The following NEMP2 variants were observed in gnomAD, a reference collection of about 807,000 sequenced individuals.
NEMP2 encodes the protein nuclear envelope integral membrane protein 2, also known as UPF0571 transmembrane protein.
A neutral mutation model predicts 54.2 loss-of-function variants in NEMP2; 53 were observed. The ratio of observed to expected loss-of-function variants is 0.98; its 90% CI spans 0.78 to 1.23. The LOEUF (loss-of-function observed/expected upper bound fraction) is 1.23. NEMP2 is among the 50% of genes most tolerant of loss of function. The pLI, the probability that NEMP2 is intolerant of heterozygous loss-of-function variation, is 0.00. For missense variants in NEMP2, 455 were observed against 511.3 expected (o/e 0.89, Z 1.06); for synonymous variants, 197 against 190.3 (o/e 1.04, Z -0.29).
At chr2:190,549,254 C>A in the NEMP2 span, among the ~76,000 whole-genome samples, 1 of 152,182 alleles carries the variant, frequency 6.6e-6, no homozygotes, top group African/African-American at 2.4e-5. Context: ...TGTGTGTGTT[C>A]TTTCATAAAA....
chr2:190,467,427 A>G, the NEMP2 span, among the ~76,000 whole-genome samples: 1 of 152,244 alleles, frequency 6.6e-6, no homozygotes, highest in Admixed American at 6.5e-5. The surrounding 1 kb of genome is among the most constrained non-coding windows in gnomAD (Gnocchi z 5.5). Context: ...AGCCTGGCCA[A>G]CATGGCAAAA....
chr2:190,641,723 T>A, the NEMP2 span, among the ~76,000 whole-genome samples: 2 of 152,182 alleles, frequency 1.3e-5, no homozygotes, highest in African/African-American at 2.4e-5. Context: ...CCGTAGCCAG[T>A]GTGGCTGACA....
chr2:190,444,433 T>G, the NEMP2 span, among the ~76,000 whole-genome samples: 1 of 152,214 alleles, frequency 6.6e-6, no homozygotes, highest in African/African-American at 2.4e-5. Context: ...CAGTGTCAGT[T>G]TTTAAAATGT....
In NEMP2 at chr2:190,519,043, G is replaced by A. The variant is rs1476625970; in HGVS notation, c.354C>T (p.Thr118=). The A allele has an allele frequency of 6.4e-7, 1 of 1,551,194 alleles. No homozygotes were observed. The highest frequency in any genetic ancestry group is 8.7e-7 in the Non-Finnish European group (1 of 1,146,862). ...FWIPKESNEI[T]IIINPYRETV... is the part of the protein sequence containing the mutation. ...TCTCCCTGTATGGATTGATGATTATGGTTATTTCGTTAGATTCCTTTGGTA... is the reference window on the plus strand; with the variant it reads ...TCTCCCTGTATGGATTGATGATTATAGTTATTTCGTTAGATTCCTTTGGTA... Residue 118 remains threonine, a synonymous_variant, in exon 3 of 9, where the codon ACC becomes ACT. Coordinates refer to ENST00000409150, the MANE Select transcript of NEMP2 (RefSeq NM_001142645.2). The surrounding 1 kb of genome is among the most constrained non-coding windows in gnomAD (Gnocchi z 5.4).
chr2:190,497,633 G>A, the NEMP2 span: 2 of 1,614,096 alleles, frequency 1.2e-6, no homozygotes. The surrounding 1 kb of genome is among the most constrained non-coding windows in gnomAD (Gnocchi z 5.2). Flanking sequence ...TTCTCCCTGG[G>A]TGACCTTTGT....
the NEMP2 span, among the ~76,000 whole-genome samples, chr2:190,465,926 G>C: frequency 1.8e-4 from 28 of 152,282 alleles, no homozygotes; most frequent in African/African-American, 6.5e-4. This position sits in a 1 kb window ranked among gnomAD's most constrained non-coding sequence, Gnocchi z 4.6. Context: ...CCGGGAGGCG[G>C]TGGTTACAGC....
the NEMP2 span, among the ~76,000 whole-genome samples, chr2:190,634,071 CT>C: frequency 1.3e-5 from 2 of 151,942 alleles, no homozygotes; most frequent in African/African-American, 4.8e-5. This position sits in a 1 kb window ranked among gnomAD's most constrained non-coding sequence, Gnocchi z 6.8. Flanking sequence ...GATTCTGTGT[CT>C]TAAAAAAAAG....
Position 190,514,671 on chromosome 2 carries a change from G to C in NEMP2, c.735C>G (p.Val245=). ...YENRIYVLGY[V]LIVGFFSFVV... ...CAAAGCTGAAAAATCCAACTATCAA[G>C]ACATAGCCTGGAAAAGTGGAAGAGG... Residue 245 remains valine, a synonymous_variant, in exon 7 of 9, where the codon GTC becomes GTG. Transcript: ENST00000409150. This position sits in a 1 kb window ranked among gnomAD's most constrained non-coding sequence, Gnocchi z 5.7. The C allele has an allele frequency of 6.4e-7, 1 of 1,551,552 alleles. No individual in the cohort carries two copies.
At chr2:190,644,735 G>A in the NEMP2 span, among the ~76,000 whole-genome samples, 2 of 152,134 alleles carry the variant, frequency 1.3e-5, no homozygotes, top group East Asian at 1.9e-4. The surrounding 1 kb of genome is among the most constrained non-coding windows in gnomAD (Gnocchi z 4.4). Context: ...CAGACAGCGC[G>A]GTCTACTTGA....
At chr2:190,645,692 C>G in the NEMP2 span, among the ~76,000 whole-genome samples, 2 of 152,236 alleles carry the variant, frequency 1.3e-5, no homozygotes, top group African/African-American at 2.4e-5. Context: ...GGAAATTACA[C>G]TCATGTCCTT....
At chr2:190,628,871 AG>A in the NEMP2 span, among the ~76,000 whole-genome samples, 1 of 152,122 alleles carries the variant, frequency 6.6e-6, no homozygotes, top group Non-Finnish European at 1.5e-5. This position sits in a 1 kb window ranked among gnomAD's most constrained non-coding sequence, Gnocchi z 4.1. Context: ...GCCTGAAGTT[AG>A]TTTCTCTTCC....
At chr2:190,556,851 C>T in the NEMP2 span, among the ~76,000 whole-genome samples, 1 of 152,154 alleles carries the variant, frequency 6.6e-6, no homozygotes, top group Admixed American at 6.5e-5. Context: ...GAAAAACATT[C>T]CAGGCTCATG....
At chr2:190,488,482 G>A in the NEMP2 span, among the ~76,000 whole-genome samples, 1 of 152,196 alleles carries the variant, frequency 6.6e-6, no homozygotes, top group Non-Finnish European at 1.5e-5. This position sits in a 1 kb window ranked among gnomAD's most constrained non-coding sequence, Gnocchi z 6.4. Flanking sequence ...CACTGTGAGT[G>A]TACTCAGTGC....
At chr2:190,553,663 C>A in the NEMP2 span, among the ~76,000 whole-genome samples, 9 of 152,184 alleles carry the variant, frequency 5.9e-5, no homozygotes, top group East Asian at 1.7e-3. Flanking sequence ...ACAAAATCTG[C>A]GTGTTGCTGA....
chr2:190,644,524 T>C, the NEMP2 span, among the ~76,000 whole-genome samples: 1 of 152,202 alleles, frequency 6.6e-6, no homozygotes, highest in Non-Finnish European at 1.5e-5. The surrounding 1 kb of genome is among the most constrained non-coding windows in gnomAD (Gnocchi z 4.4). Flanking sequence ...CAAAAAAAAT[T>C]ATTCTCTTTC....
At chr2:190,535,741 G>A (rs1341807452), upstream of NEMP2, 1 of 152,176 alleles carries the variant, frequency 6.6e-6, no homozygotes, top group East Asian at 1.9e-4. Context: ...CACCATGTAT[G>A]GCTTTTAAAA....
the NEMP2 span, chr2:190,608,301 A>C: frequency 6.6e-6 from 1 of 152,250 alleles, no homozygotes; most frequent in Admixed American, 6.5e-5. The surrounding 1 kb of genome is among the most constrained non-coding windows in gnomAD (Gnocchi z 4.9). Flanking sequence ...GAAGCTATAA[A>C]GTGCTTCACT....
the NEMP2 span, among the ~76,000 whole-genome samples, chr2:190,482,903 T>TTTTTTTTTTTTTTTTG: frequency 3.7e-3 from 322 of 86,230 alleles, 124 homozygotes; most frequent in East Asian, 8.6e-3. Flanking sequence ...TTTTTTTTTT[T>TTTTTTTTTTTTTTTTG]AGACGGAGTC....
the NEMP2 span, among the ~76,000 whole-genome samples, chr2:190,603,035 A>T: frequency 6.6e-6 from 1 of 152,086 alleles, no homozygotes; most frequent in East Asian, 1.9e-4. Flanking sequence ...AACCACTTTG[A>T]ATCTCATGAA....
Sources: gnomAD v4.1 joint callset for allele counts (sites outside exome capture counted in the v4.1 genomes callset) on GRCh38, gnomAD v4.1.1 for gene constraint, Gnocchi (gnomAD v3.1) non-coding constraint, MANE v1.5 for transcripts, NCBI Gene and HGNC (gene_info 2026-07-23, HGNC 2026-07-21) for gene names.